The following CADM1 variants were observed in gnomAD, a reference collection of about 807,000 sequenced individuals.
CADM1 encodes the protein TSLC-1.
In CADM1, 15 loss-of-function variants were observed where a neutral mutation model predicts 53.1. The observed-to-expected ratio is 0.28, with a 90% CI of 0.19 to 0.44. The LOEUF is 0.44. CADM1 is among the 20% of genes least tolerant of loss of function. The pLI is 1.00. For synonymous variants in CADM1, 281 were observed against 243.0 expected, an observed-to-expected ratio of 1.16 and a Z score of -1.45; for missense variants, 434 against 611.3, an observed-to-expected ratio of 0.71 and a Z score of 3.06.
At chr11:115,285,670 G>T (rs960143972) in intron 1 of CADM1, among the ~76,000 whole-genome samples, 1 of 152,068 alleles carries the variant, frequency 6.6e-6, no homozygotes. Flanking sequence ...TACAAAGAGG[G>T]TATTCAGTAG....
intron 1 of CADM1, among the ~76,000 whole-genome samples, chr11:115,483,853 G>A (rs866039866): frequency 6.6e-6 from 1 of 152,264 alleles, no homozygotes; most frequent in East Asian, 1.9e-4. Context: ...ATAGTCACAC[G>A]TGACTAGTGG....
chr11:115,185,662 A>C (rs1291191931), intron 10 of CADM1, among the ~76,000 whole-genome samples: 22 of 152,210 alleles, frequency 1.4e-4, no homozygotes, highest in Admixed American at 1.4e-3. Context: ...GAGACACCAG[A>C]AGTCGTGCTT....
chr11:115,324,754 C>T (rs1944917199), intron 1 of CADM1, among the ~76,000 whole-genome samples: 1 of 152,162 alleles, frequency 6.6e-6, no homozygotes, highest in Non-Finnish European at 1.5e-5. Flanking sequence ...GGTTATTGTG[C>T]TTCCTGTTTC....
At chr11:115,395,065 A>G (rs777767768) in intron 1 of CADM1, among the ~76,000 whole-genome samples, 12 of 152,168 alleles carry the variant, frequency 7.9e-5, no homozygotes, top group Non-Finnish European at 1.6e-4. Flanking sequence ...TGATAGTTCA[A>G]TTTTCAGCTA....
At chr11:115,207,066 G>A (rs1940733497) in intron 8 of CADM1, among the ~76,000 whole-genome samples, 1 of 151,938 alleles carries the variant, frequency 6.6e-6, no homozygotes, top group Non-Finnish European at 1.5e-5. Context: ...TGTACTTTCT[G>A]GGCAAGATAA....
At chr11:115,308,173 G>GTA (rs1484828747) in intron 1 of CADM1, among the ~76,000 whole-genome samples, 3 of 120,482 alleles carry the variant, frequency 2.5e-5, no homozygotes, top group African/African-American at 1.1e-4. Context: ...GTGTGTGTGT[G>GTA]TGTATATCAC....
chr11:115,407,651 T>C (rs1947349306), intron 1 of CADM1, among the ~76,000 whole-genome samples: 2 of 151,906 alleles, frequency 1.3e-5, no homozygotes, highest in Non-Finnish European at 2.9e-5. Context: ...CCCAACACTT[T>C]GGGAGGCAGA....
intron 9 of CADM1, 119 bp from the exon 10 acceptor site, chr11:115,191,060 T>C (rs954164148): frequency 3.8e-6 from 3 of 785,980 alleles, no homozygotes; most frequent in Non-Finnish European, 6.3e-6. Context: ...TATCTATGTT[T>C]TTGATAGCAT....
At chr11:115,453,053 G>T (rs1001379007) in intron 1 of CADM1, among the ~76,000 whole-genome samples, 8 of 152,002 alleles carry the variant, frequency 5.3e-5, no homozygotes, top group African/African-American at 1.9e-4. Context: ...GTTAGTCTAG[G>T]TGTGATAGAA....
chr11:115,274,430 A>T (rs992796370), intron 1 of CADM1, among the ~76,000 whole-genome samples: 2 of 152,256 alleles, frequency 1.3e-5, no homozygotes, highest in Non-Finnish European at 2.9e-5. Flanking sequence ...TTGAAAAACA[A>T]AATGGCTGGG....
chr11:115,316,750 G>A (rs1276315700), intron 1 of CADM1, among the ~76,000 whole-genome samples: 4 of 152,122 alleles, frequency 2.6e-5, no homozygotes, highest in African/African-American at 7.2e-5. Context: ...TTGGACCAGA[G>A]GAAAAGATTT....
rs543067644 is a variant in CADM1 at position 115,457,744 on chromosome 11, A to T, written c.124+46527T>A. Among the ~76,000 whole-genome samples the T allele has an allele frequency of 8.5e-5, 13 of 152,230 alleles. No homozygotes were observed. In the East Asian group the frequency reaches 2.5e-3, roughly 29 times the overall value. ...AACCAGCCTAAGGAGTTTCAGCCTG[A>T]TAGGTAATTGTTTTGTAAAATTAAA... On this transcript the variant is annotated intron_variant, in intron 1 of 11. Coordinates refer to ENST00000331581, the MANE Select transcript of CADM1 (RefSeq NM_001301043.2).
chr11:115,222,602 C>CA (rs1462137732), intron 5 of CADM1, among the ~76,000 whole-genome samples: 1 of 143,514 alleles, frequency 7.0e-6, no homozygotes, highest in East Asian at 2.0e-4. Context: ...TGTTATGACT[C>CA]ATAGTACTGA....
At chr11:115,299,819 T>C (rs11215476) in intron 1 of CADM1, among the ~76,000 whole-genome samples, 19,258 of 152,096 alleles carry the variant, frequency 0.13, 1,346 homozygotes, top group South Asian at 0.28. Context: ...TCTCTTAAAA[T>C]GGTATTCTCA....
chr11:115,486,670 CAA>C (rs887191425), intron 1 of CADM1, among the ~76,000 whole-genome samples: 2 of 152,176 alleles, frequency 1.3e-5, no homozygotes, highest in African/African-American at 4.8e-5. Context: ...ACCTGACATT[CAA>C]AGTTTTTCCA....
intron 1 of CADM1, among the ~76,000 whole-genome samples, chr11:115,270,958 T>A (rs1191376758): frequency 6.7e-6 from 1 of 149,926 alleles, no homozygotes; most frequent in Non-Finnish European, 1.5e-5. Context: ...ATGAAAAACA[T>A]CTCAACACAA....
intron 1 of CADM1, among the ~76,000 whole-genome samples, chr11:115,392,696 A>G (rs1482214019): frequency 6.6e-6 from 1 of 152,182 alleles, no homozygotes. Flanking sequence ...ACAAATGACC[A>G]TGTGGTGAGA....
At position 115,229,352 on chromosome 11, in the gene CADM1, C is replaced by G. The variant is rs1437710295; in HGVS notation, c.563-81G>C. ...GTTTTTATGTCCTCCCCTCTGTCCT[C>G]TAACCCCAACATTGCTATTTTAACA... On this transcript the variant is annotated intron_variant, in intron 4 of 11. Transcript: ENST00000331581. 1.1e-5 allele frequency: 14 copies of G among 1,270,874 alleles called. No homozygotes were observed. The South Asian group carries it at 1.3e-4, about 12-fold the overall frequency. 78.7% of individuals were successfully genotyped at this position (1,270,874 alleles called of 1,614,324 possible).
At chr11:115,479,454 T>C (rs544747568) in intron 1 of CADM1, among the ~76,000 whole-genome samples, 9 of 152,228 alleles carry the variant, frequency 5.9e-5, no homozygotes, top group South Asian at 2.1e-4. Flanking sequence ...CCATCACACA[T>C]AGAGCTTCAG....
Sources: gnomAD v4.1 joint callset for allele counts (sites outside exome capture counted in the v4.1 genomes callset) on GRCh38, gnomAD v4.1.1 for gene constraint, MANE v1.5 for transcripts, NCBI Gene and HGNC (gene_info 2026-07-23, HGNC 2026-07-21) for gene names.